The following NEK11 variants were observed in gnomAD, a reference collection of about 807,000 sequenced individuals.
NEK11 encodes the protein NIMA related kinase 11, also known as serine/threonine-protein kinase Nek11.
In NEK11, 72 loss-of-function variants were observed where a neutral mutation model predicts 80.7. The ratio of observed to expected loss-of-function variants is 0.89; its 90% CI spans 0.74 to 1.08. The LOEUF is 1.08. Among genes scored for constraint, NEK11 ranks in the 50% least tolerant of loss-of-function variants. The pLI is 0.00. For missense variants in NEK11, 764 were observed against 763.6 expected (o/e 1.00, Z -0.01); for synonymous variants, 251 against 260.7 (o/e 0.96, Z 0.36).
intron 9 of NEK11, among the ~76,000 whole-genome samples, chr3:131,154,007 T>C (rs1410758825): frequency 2.0e-5 from 3 of 152,126 alleles, no homozygotes; most frequent in Non-Finnish European, 4.4e-5. Context: ...TCACAGGGAA[T>C]AGCTGGCACA....
chr3:131,098,434 A>C (rs544282227), intron 4 of NEK11, among the ~76,000 whole-genome samples: 203 of 152,320 alleles, frequency 1.3e-3, no homozygotes, highest in Non-Finnish European at 2.2e-3. Flanking sequence ...AAAAATGGCC[A>C]TTCTGACTGG....
At chr3:131,166,229 A>T (rs1362324611) in intron 12 of NEK11, among the ~76,000 whole-genome samples, 1 of 152,172 alleles carries the variant, frequency 6.6e-6, no homozygotes, top group Non-Finnish European at 1.5e-5. Flanking sequence ...TTTATAGAGA[A>T]CTTCTACTGT....
At position 131,190,456 on chromosome 3, in the gene NEK11, C is replaced by A. The variant is rs144601003; in HGVS notation, c.1399+19569C>A. ...CTCACTTGATGAGTTCAGATGAGATCTGGTTGTTTAAAAGAGTGTAGCTTC... is the reference window on the plus strand; with the variant it reads ...CTCACTTGATGAGTTCAGATGAGATATGGTTGTTTAAAAGAGTGTAGCTTC... On this transcript the variant is annotated intron_variant, in intron 14 of 17. Transcript: ENST00000383366. 3.1e-3 allele frequency among the ~76,000 whole-genome samples: 479 copies of A among 152,270 alleles called. 2 individuals are homozygous for A. Among genetic ancestry groups the A allele is most frequent in the Admixed American group, 7.1e-3 (108 of 15,290 alleles).
chr3:131,153,378 A>G (rs1027219449), intron 9 of NEK11, among the ~76,000 whole-genome samples: 2 of 152,216 alleles, frequency 1.3e-5, no homozygotes, highest in African/African-American at 2.4e-5. Flanking sequence ...ACATATCTCA[A>G]TAATACTTTT....
intron 17 of NEK11, among the ~76,000 whole-genome samples, chr3:131,296,573 G>A (rs945224149): frequency 2.6e-5 from 4 of 151,972 alleles, no homozygotes; most frequent in Non-Finnish European, 5.9e-5. Flanking sequence ...ATTTCTCAAG[G>A]AACAAAATTC....
chr3:131,090,365 G>A (rs9880236), intron 4 of NEK11, among the ~76,000 whole-genome samples: 68,800 of 152,014 alleles, frequency 0.45, 17,400 homozygotes, highest in Middle Eastern at 0.68. Flanking sequence ...AACCTTCAAG[G>A]GATAATCTTA....
At chr3:131,098,881 GT>G (rs1382686119) in intron 4 of NEK11, among the ~76,000 whole-genome samples, 2 of 151,106 alleles carry the variant, frequency 1.3e-5, no homozygotes, top group Non-Finnish European at 2.9e-5. Flanking sequence ...GATATTAAAC[GT>G]TTGTTGGATG....
At chr3:131,258,335 A>C (rs1343654488) in intron 16 of NEK11, among the ~76,000 whole-genome samples, 1 of 152,038 alleles carries the variant, frequency 6.6e-6, no homozygotes, top group Non-Finnish European at 1.5e-5. Context: ...CAAAAATTTT[A>C]AAAACTTAAA....
chr3:131,213,907 G>T (rs917736697), intron 14 of NEK11, among the ~76,000 whole-genome samples: 9 of 152,190 alleles, frequency 5.9e-5, no homozygotes, highest in East Asian at 3.9e-4. Context: ...AGGTGATTTG[G>T]TCATGAGGGT....
chr3:131,187,804 C>T (rs1235121241), intron 14 of NEK11, among the ~76,000 whole-genome samples: 1 of 152,132 alleles, frequency 6.6e-6, no homozygotes, highest in Non-Finnish European at 1.5e-5. Context: ...CCCCAAAAGT[C>T]ACACAGATTG....
chr3:131,062,826 T>C (rs2071144799), intron 3 of NEK11, among the ~76,000 whole-genome samples: 1 of 152,134 alleles, frequency 6.6e-6, no homozygotes, highest in South Asian at 2.1e-4. Context: ...ATCTCCTCTA[T>C]TCTGGCCAGT....
chr3:131,336,310 G>A (rs200965084), intron 17 of NEK11, among the ~76,000 whole-genome samples: 2,935 of 152,158 alleles, frequency 0.019, 46 homozygotes, highest in East Asian at 0.087. Context: ...CAGAAATAAC[G>A]CCGCATTTCT....
At chr3:131,343,337 T>G (rs536729189) in intron 17 of NEK11, among the ~76,000 whole-genome samples, 7 of 152,226 alleles carry the variant, frequency 4.6e-5, no homozygotes, top group Admixed American at 3.3e-4. Context: ...GTTTTGTCTT[T>G]GATAGGAGCA....
chr3:131,332,245 G>C (rs1449042343), intron 17 of NEK11, among the ~76,000 whole-genome samples: 1 of 152,166 alleles, frequency 6.6e-6, no homozygotes, highest in Non-Finnish European at 1.5e-5. Flanking sequence ...ACCTCACATG[G>C]CCAGGTACTC....
chr3:131,187,799 A>C (rs759093715), intron 14 of NEK11, among the ~76,000 whole-genome samples: 13 of 152,202 alleles, frequency 8.5e-5, no homozygotes, highest in Non-Finnish European at 1.6e-4. Flanking sequence ...GAAAGCCCCA[A>C]AAGTCACACA....
intron 16 of NEK11, among the ~76,000 whole-genome samples, chr3:131,254,606 C>T (rs1342202889): frequency 6.6e-6 from 1 of 152,154 alleles, no homozygotes; most frequent in Admixed American, 6.6e-5. Flanking sequence ...GGTTTTGGAG[C>T]ATCTGTGAAA....
intron 4 of NEK11, among the ~76,000 whole-genome samples, chr3:131,094,425 C>T (rs1452540913): frequency 6.6e-6 from 1 of 152,066 alleles, no homozygotes; most frequent in Non-Finnish European, 1.5e-5. Context: ...TATAAGGGGT[C>T]AATCTGTGTT....
At chr3:131,318,224 A>G (rs564110657) in intron 17 of NEK11, among the ~76,000 whole-genome samples, 2 of 152,328 alleles carry the variant, frequency 1.3e-5, no homozygotes, top group East Asian at 1.9e-4. Flanking sequence ...GTTGTGCCAT[A>G]GTATCATTGG....
At chr3:131,056,927 T>C (rs926100709) in intron 3 of NEK11, among the ~76,000 whole-genome samples, 1 of 152,030 alleles carries the variant, frequency 6.6e-6, no homozygotes, top group Admixed American at 6.5e-5. Flanking sequence ...AGGGTACATG[T>C]GCACAATGTG....
Sources: allele counts gnomAD v4.1 joint callset (sites outside exome capture counted in the v4.1 genomes callset), GRCh38; gene constraint gnomAD v4.1.1; transcripts MANE v1.5; gene names NCBI Gene and HGNC (gene_info 2026-07-23, HGNC 2026-07-21).